Variants in CCDC3 observed in about 807,000 individuals in gnomAD.
The protein encoded by CCDC3 is coiled-coil domain-containing protein 3.
In CCDC3, 24 loss-of-function variants were observed where a neutral mutation model predicts 21.4. The observed-to-expected ratio is 1.12, with a 90% CI of 0.81 to 1.58. The LOEUF (loss-of-function observed/expected upper bound fraction) is 1.58, where lower values mean the gene tolerates loss of function less well. Among genes scored for constraint, CCDC3 ranks in the 40% most tolerant of loss-of-function variants. CCDC3 has a pLI of 0.00. For missense variants in CCDC3, 425 were observed against 360.9 expected (o/e 1.18, Z -1.44); for synonymous variants, 186 against 166.0 (o/e 1.12, Z -0.93).
chr10:13,067,644 G>T (rs1048748580), intron 4 of CCDC3, among the ~76,000 whole-genome samples: 1 of 152,088 alleles, frequency 6.6e-6, no homozygotes, highest in South Asian at 2.1e-4. Context: ...TTACAATGGC[G>T]GCCGGGTTCA....
At chr10:13,032,414 C>T (rs1564326905) in intron 5 of CCDC3, among the ~76,000 whole-genome samples, 1 of 152,128 alleles carries the variant, frequency 6.6e-6, no homozygotes, top group Non-Finnish European at 1.5e-5. Flanking sequence ...GGAAGCATTC[C>T]CATTGAAAAC....
chr10:12,945,237 T>G (rs1177912546), intron 2 of CCDC3, among the ~76,000 whole-genome samples: 1 of 152,174 alleles, frequency 6.6e-6, no homozygotes, highest in Non-Finnish European at 1.5e-5. Flanking sequence ...ATTTAGTATA[T>G]AACTAAAATT....
chr10:12,917,195 T>C (rs1363956135), intron 2 of CCDC3, among the ~76,000 whole-genome samples: 39 of 127,072 alleles, frequency 3.1e-4, no homozygotes, highest in Non-Finnish European at 6.1e-4. Context: ...TTTTTTTTTT[T>C]TTTTTTTTTT....
chr10:12,946,942 C>T (rs11258073), intron 2 of CCDC3, among the ~76,000 whole-genome samples: 17,591 of 152,056 alleles, frequency 0.12, 1,046 homozygotes, highest in Middle Eastern at 0.17. Flanking sequence ...AGGATGGAAG[C>T]CAAGAAGAAA....
At chr10:13,046,145 C>A (rs1300252021) in intron 5 of CCDC3, among the ~76,000 whole-genome samples, 3 of 152,136 alleles carry the variant, frequency 2.0e-5, no homozygotes, top group Non-Finnish European at 2.9e-5. Context: ...GTTGCTCATT[C>A]CTGTAATCCC....
intron 5 of CCDC3, among the ~76,000 whole-genome samples, chr10:13,039,993 C>T (rs1295524248): frequency 6.6e-6 from 1 of 151,858 alleles, no homozygotes; most frequent in Non-Finnish European, 1.5e-5. Flanking sequence ...TCTCTGGCAT[C>T]CTCCCAGCTT....
intron 2 of CCDC3, among the ~76,000 whole-genome samples, chr10:12,910,520 C>G (rs1834253466): frequency 6.8e-6 from 1 of 147,062 alleles, no homozygotes; most frequent in Non-Finnish European, 1.5e-5. Context: ...TCTGCCAATT[C>G]AAGGATTGTC....
intron 2 of CCDC3, among the ~76,000 whole-genome samples, chr10:12,913,404 A>T (rs565620044): frequency 8.5e-5 from 13 of 152,342 alleles, no homozygotes; most frequent in Non-Finnish European, 1.8e-4. Context: ...GTGCATAGAA[A>T]TACTACTGAT....
intron 5 of CCDC3, among the ~76,000 whole-genome samples, chr10:13,034,359 C>T (rs1304965511): frequency 2.8e-5 from 4 of 145,176 alleles, no homozygotes; most frequent in Non-Finnish European, 4.5e-5. Context: ...GGGGGAGGGG[C>T]GAGGGATAGC....
intron 2 of CCDC3, among the ~76,000 whole-genome samples, chr10:12,927,387 G>GTA (rs1834559927): frequency 6.6e-6 from 1 of 152,106 alleles, no homozygotes; most frequent in Non-Finnish European, 1.5e-5. Context: ...ATTAACAATT[G>GTA]CTCAATACTA....
chr10:12,983,334 A>C (rs535999645), intron 2 of CCDC3, among the ~76,000 whole-genome samples: 24 of 150,288 alleles, frequency 1.6e-4, no homozygotes, highest in African/African-American at 4.6e-4. Flanking sequence ...GCACTTTGGG[A>C]AGCTGAGGCG....
chr10:12,925,247 C>T (rs1030927539), intron 2 of CCDC3, among the ~76,000 whole-genome samples: 1 of 152,248 alleles, frequency 6.6e-6, no homozygotes, highest in African/African-American at 2.4e-5. Flanking sequence ...AGGAGGGGTG[C>T]TGAGAAATCC....
chr10:12,968,202 T>TACACATAC lies in CCDC3; in HGVS notation c.549+30135_549+30136insGTATGTGT, dbSNP rs1554757157. On this transcript the variant is annotated intron_variant, in intron 2 of 2. Coordinates refer to ENST00000378825, the MANE Select transcript of CCDC3 (RefSeq NM_031455.4). ...AAAAGAAAATACAAACACACACACA[T>TACACATAC]ACACACACACACACACACACACAGA... Among the ~76,000 whole-genome samples, 11 of 143,586 alleles carry TACACATAC rather than the reference T, an allele frequency of 7.7e-5. No individual in the cohort carries two copies. In the East Asian group the frequency reaches 1.4e-3, roughly 19 times the overall value. 94.2% of individuals were successfully genotyped at this position (143,586 alleles called of 152,430 possible).
chr10:13,036,496 TG>T (rs1455776717), intron 5 of CCDC3, among the ~76,000 whole-genome samples: 1 of 152,196 alleles, frequency 6.6e-6, no homozygotes, highest in Admixed American at 6.5e-5. Context: ...TGTTTGTTTT[TG>T]TTTTTCAGAT....
chr10:13,085,458 C>T (rs1276042915), intron 3 of CCDC3, among the ~76,000 whole-genome samples: 2 of 152,192 alleles, frequency 1.3e-5, no homozygotes, highest in Non-Finnish European at 2.9e-5. Context: ...ATTTTGGACA[C>T]AGCAGATGGA....
chr10:12,996,677 G>T (rs991900375), intron 2 of CCDC3, among the ~76,000 whole-genome samples: 7 of 152,154 alleles, frequency 4.6e-5, no homozygotes, highest in African/African-American at 1.7e-4. Context: ...CACAGGAATA[G>T]CTTCTGTGCA....
Position 13,014,563 on chromosome 10 carries a change from T to C in CCDC3, c.-1-16051A>G, listed in dbSNP as rs117381262. ...GATCCTTTTGCTCTAAGTGACTTCA[T>C]TGAGACAAGTGGCAAGATGTGAACG... On this transcript the variant is annotated intron_variant, in intron 5 of 6. Coordinates refer to the CCDC3 transcript ENST00000378839. Among the ~76,000 whole-genome samples, 692 of 151,838 alleles carry C rather than the reference T, an allele frequency of 4.6e-3. 29 individuals carry two copies. In the South Asian group the frequency reaches 0.073, roughly 16 times the overall value.
intron 2 of CCDC3, among the ~76,000 whole-genome samples, chr10:12,937,289 G>T (rs1246557456): frequency 6.6e-6 from 1 of 152,068 alleles, no homozygotes; most frequent in Non-Finnish European, 1.5e-5. Context: ...CCCCTTACAG[G>T]CTGCACTGGA....
intron 2 of CCDC3, among the ~76,000 whole-genome samples, chr10:12,982,366 G>A (rs12259214): frequency 0.015 from 2,331 of 152,012 alleles, 65 homozygotes; most frequent in African/African-American, 0.053. Context: ...TGGGGAAAGG[G>A]CAACAAAACA....
Sources: allele counts gnomAD v4.1 joint callset (sites outside exome capture counted in the v4.1 genomes callset), GRCh38; gene constraint gnomAD v4.1.1; transcripts MANE v1.5; gene names NCBI Gene and HGNC (gene_info 2026-07-23, HGNC 2026-07-21).